POLI: variants seen among roughly 807,000 people sequenced by gnomAD.
POLI encodes RAD30 homolog B.
POLI carries 58 observed loss-of-function variants against 51.6 expected under a neutral mutation model. That is an observed-to-expected ratio of 1.12 (90% CI 0.91 to 1.40). The LOEUF (loss-of-function observed/expected upper bound fraction) is 1.40, where lower values mean the gene tolerates loss of function less well. POLI is among the 40% of genes most tolerant of loss of function. The pLI is 0.00. For missense variants in POLI, 921 were observed against 871.3 expected (o/e 1.06, Z -0.72); for synonymous variants, 322 against 299.7 (o/e 1.07, Z -0.77).
chr18:54,282,871 A>C lies in POLI; in HGVS notation c.831A>C (p.Ala277=), dbSNP rs2087571029. The change falls in exon 6 of 10, where the codon GCA becomes GCC. Residue 277 remains alanine (A), a synonymous_variant. Coordinates refer to ENST00000579534, the MANE Select transcript of POLI (RefSeq NM_007195.3). ...IGYKTAKCLE[A]LGINSVRDLQ... ...ATAAAACTGCCAAATGTCTTGAAGC[A>C]CTGGGTATCAATAGTGTGCGTGATC... The C allele has an allele frequency of 1.3e-6, 2 of 1,572,118 alleles. No individual in the cohort carries two copies. Among genetic ancestry groups the C allele is most frequent in the African/African-American group, 2.7e-5 (2 of 74,052 alleles).
intron 3 of POLI, among the ~76,000 whole-genome samples, chr18:54,313,499 T>G (rs1390862921): frequency 6.6e-6 from 1 of 152,186 alleles, no homozygotes; most frequent in Non-Finnish European, 1.5e-5. Context: ...AAAATGACAT[T>G]GGTAGTTTGA....
intron 4 of POLI, 30 bp downstream of exon 4, chr18:54,277,885 T>G: frequency 6.6e-7 from 1 of 1,508,052 alleles, no homozygotes; most frequent in Non-Finnish European, 9.1e-7. Context: ...TTCTACCTAC[T>G]AACCAAAAGT....
At chr18:54,301,298 A>C (rs2088485505), downstream of POLI, among the ~76,000 whole-genome samples, 1 of 152,086 alleles carries the variant, frequency 6.6e-6, no homozygotes, top group South Asian at 2.1e-4. Flanking sequence ...ACACACAAAG[A>C]TTTGAATACT....
chr18:54,284,753 T>C (rs1390707996), intron 7 of POLI: 2 of 152,362 alleles, frequency 1.3e-5, no homozygotes, highest in Admixed American at 1.3e-4. Flanking sequence ...GCAGGGTTTC[T>C]GATCTGTATG....
intron 8 of POLI, among the ~76,000 whole-genome samples, chr18:54,289,402 C>G (rs1186599133): frequency 1.3e-5 from 2 of 151,944 alleles, no homozygotes; most frequent in Non-Finnish European, 2.9e-5. Context: ...CCCATACTGC[C>G]CAAAGTAATT....
chr18:54,281,206 G>A (rs753924865), intron 5 of POLI, among the ~76,000 whole-genome samples: 5 of 152,088 alleles, frequency 3.3e-5, no homozygotes, highest in Non-Finnish European at 7.4e-5. Context: ...CAGTCCCTGG[G>A]TCATACTCTT....
intron 9 of POLI, 60 bp downstream of exon 9, chr18:54,292,098 A>AAC: frequency 9.8e-7 from 1 of 1,017,736 alleles, no homozygotes; most frequent in Non-Finnish European, 1.5e-6. Flanking sequence ...TTGTGTGGTT[A>AAC]CATTACAAAT....
chr18:54,296,066 A>G lies in POLI; in HGVS notation c.*1599A>G. The G allele has an allele frequency of 3.0e-6, 3 of 985,214 alleles. No homozygotes were observed. Among genetic ancestry groups the G allele is most frequent in the Non-Finnish European group, 3.6e-6 (3 of 829,730 alleles). The allele number at this position is 985,214 out of a possible 1,614,324, so 61.0% of individuals were successfully genotyped here. On this transcript the variant is annotated 3_prime_UTR_variant, in exon 10 of 10. Coordinates refer to ENST00000579534, the MANE Select transcript of POLI (RefSeq NM_007195.3). The stretch of plus-strand genomic sequence containing the variant: ...ACATCAGAAATTGTTCACCATGCAA[A>G]TATTTAGTACTCTGAATCAAGGAAC...
chr18:54,289,169 T>G (rs370932578), intron 8 of POLI, among the ~76,000 whole-genome samples: 1 of 151,826 alleles, frequency 6.6e-6, no homozygotes, highest in Non-Finnish European at 1.5e-5. Context: ...TCCCCTGTGC[T>G]GTGTAGCCAC....
In POLI at chr18:54,294,305, A is replaced by G. The variant is rs931020410; in HGVS notation, c.2061A>G (p.Glu687=). The change falls in exon 10 of 10, where the codon GAA becomes GAG. Residue 687 remains glutamate, a synonymous_variant. Coordinates refer to ENST00000579534, the MANE Select transcript of POLI (RefSeq NM_007195.3). The part of the protein sequence containing the change: ...HKQTVATDSH[E]GLTENREPDS... ...AAACAGTAGCAACAGACTCTCATGA[A>G]GGACTTACAGAAAATAGAGAGCCAG... is the stretch of plus-strand genomic sequence containing the variant. 1.9e-6 allele frequency: 3 copies of G among 1,613,522 alleles called. No individual in the cohort carries two copies. In the Admixed American group the frequency reaches 5.0e-5, roughly 27 times the overall value.
At chr18:54,287,576 GTTTA>G (rs1260931329) in intron 8 of POLI, 165 bp downstream of exon 8, 27 of 524,656 alleles carry the variant, frequency 5.1e-5, no homozygotes, top group South Asian at 8.8e-5. Context: ...TTTGTTGTTT[GTTTA>G]TTTATTTATT....
chr18:54,305,782 A>G (rs551664082), intron 3 of POLI, among the ~76,000 whole-genome samples: 86 of 151,892 alleles, frequency 5.7e-4, no homozygotes, highest in African/African-American at 2.0e-3. Context: ...TTTTTGAAAC[A>G]GAGTCTCGCT....
intron 3 of POLI, among the ~76,000 whole-genome samples, chr18:54,316,965 A>C (rs1027039119): frequency 2.0e-5 from 3 of 152,164 alleles, no homozygotes; most frequent in African/African-American, 7.2e-5. Flanking sequence ...TAAATTGGAG[A>C]GTAGAACTGT....
chr18:54,300,175 CTTTT>C (rs973150344), downstream of POLI, among the ~76,000 whole-genome samples: 1 of 151,902 alleles, frequency 6.6e-6, no homozygotes, highest in Non-Finnish European at 1.5e-5. Flanking sequence ...TATTTAAAAG[CTTTT>C]TTTGTTTCTT....
intron 5 of POLI, among the ~76,000 whole-genome samples, chr18:54,281,984 A>G (rs2087522868): frequency 1.3e-5 from 2 of 152,170 alleles, no homozygotes; most frequent in Non-Finnish European, 2.9e-5. Flanking sequence ...TGAATAAAGT[A>G]TGACCGAATT....
intron 3 of POLI, among the ~76,000 whole-genome samples, chr18:54,317,345 G>T (rs1312988055): frequency 6.6e-6 from 1 of 152,134 alleles, no homozygotes; most frequent in Non-Finnish European, 1.5e-5. Context: ...ATGTCACTGA[G>T]ATTTTGTGAT....
At chr18:54,280,938 CTTATT>C (rs771049525) in intron 5 of POLI, 35 bp downstream of exon 5, 26 of 1,079,090 alleles carry the variant, frequency 2.4e-5, no homozygotes, top group Non-Finnish European at 3.2e-5. Context: ...ACATATACGT[CTTATT>C]TTATTTCTTT....
At chr18:54,285,912 C>T (rs1042544339) in intron 7 of POLI, among the ~76,000 whole-genome samples, 1 of 152,052 alleles carries the variant, frequency 6.6e-6, no homozygotes, top group Non-Finnish European at 1.5e-5. Flanking sequence ...GCTCTGTCAC[C>T]CAGGCTGGAT....
At chr18:54,308,428 G>A (rs1015811788) in intron 3 of POLI, among the ~76,000 whole-genome samples, 2 of 152,188 alleles carry the variant, frequency 1.3e-5, no homozygotes, top group Non-Finnish European at 2.9e-5. Context: ...CTTCTGGCTT[G>A]TACAATTTCT....
Sources: allele counts gnomAD v4.1 joint callset (sites outside exome capture counted in the v4.1 genomes callset), GRCh38; gene constraint gnomAD v4.1.1; transcripts MANE v1.5; gene names NCBI Gene and HGNC (gene_info 2026-07-23, HGNC 2026-07-21).